The following NCALD variants were observed in gnomAD, a reference collection of about 807,000 sequenced individuals.
NCALD encodes the protein neurocalcin-delta.
Under a neutral mutation model 18.6 loss-of-function variants are expected in NCALD, and 10 were observed. That is an observed-to-expected ratio of 0.54 (90% CI 0.33 to 0.91). NCALD has a LOEUF of 0.91. Ranked by LOEUF, NCALD falls within the 40% of genes least tolerant of loss-of-function variation. NCALD has a pLI of 0.03. For synonymous variants in NCALD, 88 were observed against 87.4 expected (o/e 1.01, Z -0.04); for missense variants, 184 against 247.6 (o/e 0.74, Z 1.72).
chr8:102,059,976 T>A (rs1004571215), intron 1 of NCALD, among the ~76,000 whole-genome samples: 22 of 152,096 alleles, frequency 1.4e-4, no homozygotes, highest in African/African-American at 5.3e-4. Context: ...CTTGTTTTTG[T>A]TTTTTTGTTT....
rs1443412507 is a variant in NCALD at position 101,688,593 on chromosome 8, C to T, written c.*716G>A. ...ATATACAGCCGTCTTTTTATTTTAT[C>T]ACAATAGGCAACAAGATGGGTCTGG... On this transcript the variant is annotated 3_prime_UTR_variant, in exon 4 of 4. Coordinates refer to ENST00000220931, the MANE Select transcript of NCALD (RefSeq NM_032041.3). 2 of 450,492 alleles carry T rather than the reference C, an allele frequency of 4.4e-6. No individual in the cohort carries two copies. Among genetic ancestry groups the T allele is most frequent in the Non-Finnish European group, 8.9e-6 (2 of 224,974 alleles). 27.9% of individuals were successfully genotyped at this position (450,492 alleles called of 1,614,324 possible).
chr8:101,719,560 C>G lies in NCALD; in HGVS notation c.70G>C (p.Glu24Gln). The change falls in exon 2 of 4, where the codon GAG becomes CAG. Residue 24 changes from glutamate to glutamine, a missense_variant. Glu to Gln is a conservative substitution (Grantham distance 29). Coordinates refer to ENST00000220931, the MANE Select transcript of NCALD (RefSeq NM_032041.3). Reference protein sequence around the residue: ...QDLLESTDFTEHEIQEWYKGF... With the variant: ...QDLLESTDFTQHEIQEWYKGF... The stretch of plus-strand genomic sequence containing the variant: ...TTATACCATTCCTGGATCTCATGCT[C>G]TGTAAAGTCTGTGCTTTCCAGCAAG... 9 of 1,613,852 alleles carry G rather than the reference C, an allele frequency of 5.6e-6. No homozygotes were observed. The highest frequency in any genetic ancestry group is 7.6e-6 in the Non-Finnish European group (9 of 1,179,932).
At chr8:101,694,392 T>C (rs999976846) in intron 2 of NCALD, 1 of 152,206 alleles carries the variant, frequency 6.6e-6, no homozygotes, top group Admixed American at 6.5e-5. Flanking sequence ...TCCTAACATG[T>C]TCTGGATAAG....
chr8:102,108,940 T>C (rs536237653), intron 1 of NCALD, among the ~76,000 whole-genome samples: 125 of 152,318 alleles, frequency 8.2e-4, no homozygotes, highest in African/African-American at 2.8e-3. Context: ...GGAATAACCA[T>C]GCGTGAATCA....
At chr8:101,747,513 C>A (rs1468864459) in intron 1 of NCALD, among the ~76,000 whole-genome samples, 1 of 152,108 alleles carries the variant, frequency 6.6e-6, no homozygotes, top group African/African-American at 2.4e-5. Flanking sequence ...ACCAGTTGGG[C>A]TTCCTCCCAT....
At chr8:101,804,369 ATAT>A (rs1024271372) in intron 4 of NCALD, among the ~76,000 whole-genome samples, 10 of 128,552 alleles carry the variant, frequency 7.8e-5, no homozygotes, top group Non-Finnish European at 9.5e-5. Context: ...TATCAATTAT[ATAT>A]TATATGTTAC....
intron 1 of NCALD, among the ~76,000 whole-genome samples, chr8:102,121,151 T>G (rs1021150164): frequency 6.6e-6 from 1 of 152,220 alleles, no homozygotes; most frequent in Non-Finnish European, 1.5e-5. Context: ...AATTTTCCTA[T>G]AAGGAGCTAA....
intron 2 of NCALD, among the ~76,000 whole-genome samples, chr8:101,927,549 G>A (rs745514912): frequency 3.3e-5 from 5 of 152,172 alleles, no homozygotes; most frequent in Non-Finnish European, 5.9e-5. Flanking sequence ...CTAAGCAGAG[G>A]GAACAGCCCG....
intron 2 of NCALD, among the ~76,000 whole-genome samples, chr8:101,715,908 G>A (rs1370250862): frequency 6.6e-6 from 1 of 152,178 alleles, no homozygotes; most frequent in East Asian, 1.9e-4. Context: ...AACACAGTGT[G>A]GCGATTCCTC....
intron 4 of NCALD, among the ~76,000 whole-genome samples, chr8:101,797,167 A>C (rs1812667496): frequency 6.6e-6 from 1 of 152,260 alleles, no homozygotes; most frequent in Non-Finnish European, 1.5e-5. Flanking sequence ...TGTCATGGGC[A>C]TGTGCCCTCA....
chr8:101,804,429 G>A (rs1794210215), intron 4 of NCALD, among the ~76,000 whole-genome samples: 1 of 125,506 alleles, frequency 8.0e-6, no homozygotes. Flanking sequence ...ATTTATAACT[G>A]TAATATATAA....
At chr8:102,044,500 T>C (rs942646885) in intron 1 of NCALD, among the ~76,000 whole-genome samples, 56 of 152,342 alleles carry the variant, frequency 3.7e-4, no homozygotes, top group Admixed American at 8.5e-4. Flanking sequence ...GCGTCGTTTC[T>C]ACCAACCATT....
intron 2 of NCALD, among the ~76,000 whole-genome samples, chr8:101,918,388 A>G (rs549796493): frequency 6.6e-4 from 100 of 152,270 alleles, no homozygotes; most frequent in African/African-American, 2.2e-3. Context: ...TGAAGGGGCA[A>G]AAACTAAAAG....
intron 1 of NCALD, among the ~76,000 whole-genome samples, chr8:102,096,869 T>C (rs1825119808): frequency 1.3e-5 from 2 of 152,220 alleles, no homozygotes; most frequent in Non-Finnish European, 1.5e-5. Context: ...GTGCATTTTG[T>C]CCAATTATTT....
chr8:101,700,748 G>C (rs1017958186), intron 2 of NCALD, among the ~76,000 whole-genome samples: 1 of 152,206 alleles, frequency 6.6e-6, no homozygotes, highest in Admixed American at 6.5e-5. Context: ...TTCCAGTCTT[G>C]CTATTCAGTA....
chr8:102,031,766 T>G (rs1162835803), intron 1 of NCALD, among the ~76,000 whole-genome samples: 1 of 152,036 alleles, frequency 6.6e-6, no homozygotes, highest in Non-Finnish European at 1.5e-5. Context: ...TAGAAAAAAG[T>G]TAGCTAGGAA....
chr8:101,704,627 T>A (rs1815421071), intron 2 of NCALD, among the ~76,000 whole-genome samples: 1 of 152,068 alleles, frequency 6.6e-6, no homozygotes, highest in Non-Finnish European at 1.5e-5. Context: ...TCATTTAAAG[T>A]GAATGGGGGC....
intron 4 of NCALD, among the ~76,000 whole-genome samples, chr8:101,874,155 G>C (rs1816131525): frequency 6.6e-6 from 1 of 152,190 alleles, no homozygotes. Context: ...GATAAAATCA[G>C]AGAGGTAACT....
At chr8:101,700,800 A>G (rs1815227983) in intron 2 of NCALD, among the ~76,000 whole-genome samples, 1 of 152,224 alleles carries the variant, frequency 6.6e-6, no homozygotes, top group Non-Finnish European at 1.5e-5. Context: ...AACGAGAATC[A>G]GTTAATACAA....
Sources: gnomAD v4.1 joint callset for allele counts (sites outside exome capture counted in the v4.1 genomes callset) on GRCh38, gnomAD v4.1.1 for gene constraint, MANE v1.5 for transcripts, NCBI Gene and HGNC (gene_info 2026-07-23, HGNC 2026-07-21) for gene names.